FOXN3: variants seen among roughly 807,000 people sequenced by gnomAD.
FOXN3 encodes forkhead box N3, also known as forkhead box protein N3.
A neutral mutation model predicts 38.4 loss-of-function variants in FOXN3; 7 were observed. That is an observed-to-expected ratio of 0.18 (90% CI 0.10 to 0.34). The LOEUF (loss-of-function observed/expected upper bound fraction) is 0.34. Among genes scored for constraint, FOXN3 ranks in the 10% least tolerant of loss-of-function variants. The pLI is 1.00. For synonymous variants in FOXN3, 230 were observed against 242.2 expected, an observed-to-expected ratio of 0.95 and a Z score of 0.47; for missense variants, 456 against 613.4, an observed-to-expected ratio of 0.74 and a Z score of 2.71.
At chr14:89,390,644 C>T (rs576569821) in intron 2 of FOXN3, among the ~76,000 whole-genome samples, 1 of 152,080 alleles carries the variant, frequency 6.6e-6, no homozygotes, top group East Asian at 1.9e-4. Context: ...CAAAATAAAA[C>T]AGCAGGTATT....
At chr14:89,239,331 A>G (rs1885074411) in intron 4 of FOXN3, among the ~76,000 whole-genome samples, 1 of 152,190 alleles carries the variant, frequency 6.6e-6, no homozygotes. Context: ...GGTTTAAGAG[A>G]TCCAGAGAGA....
At chr14:89,378,349 C>T (rs1008523985) in intron 2 of FOXN3, among the ~76,000 whole-genome samples, 5 of 152,168 alleles carry the variant, frequency 3.3e-5, no homozygotes, top group African/African-American at 7.2e-5. Flanking sequence ...GAATCACAGG[C>T]TCTCTCTCGT....
intron 1 of FOXN3, among the ~76,000 whole-genome samples, chr14:89,563,166 GCTAA>G (rs1596318594): frequency 6.6e-6 from 1 of 152,210 alleles, no homozygotes; most frequent in South Asian, 2.1e-4. Flanking sequence ...AACGATGACA[GCTAA>G]CTATTACTGA....
At chr14:89,451,711 CT>C (rs1230989277) in intron 1 of FOXN3, among the ~76,000 whole-genome samples, 1 of 152,154 alleles carries the variant, frequency 6.6e-6, no homozygotes, top group East Asian at 1.9e-4. Context: ...CTCAGATTCA[CT>C]TTTTTTATCT....
At chr14:89,573,323 T>A (rs1430804929) in intron 1 of FOXN3, among the ~76,000 whole-genome samples, 1 of 152,158 alleles carries the variant, frequency 6.6e-6, no homozygotes, top group Non-Finnish European at 1.5e-5. Context: ...GCAGATAAAG[T>A]CTAATAAATG....
rs1427124862 is a variant in FOXN3 at position 89,156,957 on chromosome 14, C to T, written c.*5457G>A. ...GGCCACAGTCATGAAAGGATGAATA[C>T]AATTTCTAGGTTTAATAGGTTCACC... On this transcript the variant is annotated 3_prime_UTR_variant, in exon 6 of 6. Coordinates refer to ENST00000557258, the MANE Select transcript of FOXN3 (RefSeq NM_005197.4). The T allele has an allele frequency of 6.6e-6, 1 of 152,558 alleles. No individual in the cohort carries two copies. The highest frequency in any genetic ancestry group is 2.4e-5 in the African/African-American group (1 of 41,398). 9.5% of individuals were successfully genotyped at this position (152,558 alleles called of 1,614,324 possible).
rs184356430 is a variant in FOXN3 at position 89,281,396 on chromosome 14, G to A, written c.681-382C>T. 2.8e-4 allele frequency among the ~76,000 whole-genome samples: 43 copies of A among 152,250 alleles called. 1 individual carries two copies. The East Asian group carries it at 4.6e-3, about 16-fold the overall frequency. ...CTAATCATGTTTTCTGAGACCAAGC[G>A]GGTTTTCCAACACTTCCTGGTGCCA... On this transcript the variant is annotated intron_variant, in intron 3 of 5. Coordinates refer to ENST00000557258, the MANE Select transcript of FOXN3 (RefSeq NM_005197.4).
chr14:89,342,283 G>T (rs1019419162), intron 3 of FOXN3, among the ~76,000 whole-genome samples: 1 of 152,174 alleles, frequency 6.6e-6, no homozygotes, highest in African/African-American at 2.4e-5. Context: ...GAATGAAATT[G>T]GATGACTGGG....
intron 3 of FOXN3, among the ~76,000 whole-genome samples, chr14:89,338,577 T>C (rs1211767934): frequency 1.3e-5 from 2 of 152,222 alleles, no homozygotes; most frequent in African/African-American, 4.8e-5. Flanking sequence ...GTAGATCATC[T>C]GAGGTCAGGA....
intron 2 of FOXN3, among the ~76,000 whole-genome samples, chr14:89,354,149 G>C (rs1332756285): frequency 6.6e-6 from 1 of 152,124 alleles, no homozygotes; most frequent in Non-Finnish European, 1.5e-5. Context: ...TAGTAAGTTT[G>C]AGAGTTGGAG....
chr14:89,259,403 C>T (rs893250305), intron 4 of FOXN3, among the ~76,000 whole-genome samples: 4 of 152,150 alleles, frequency 2.6e-5, no homozygotes, highest in African/African-American at 9.7e-5. Context: ...GCTCTGGTCA[C>T]TAGGAAGCTC....
At chr14:89,376,173 G>T (rs181275504) in intron 2 of FOXN3, among the ~76,000 whole-genome samples, 70 of 152,306 alleles carry the variant, frequency 4.6e-4, no homozygotes, top group African/African-American at 1.6e-3. Flanking sequence ...TATGAAAAGT[G>T]TAAGATGAGT....
In FOXN3 at chr14:89,609,958, C is replaced by A. The variant is rs369422497; in HGVS notation, c.-15+9070G>T. 1.4e-4 allele frequency among the ~76,000 whole-genome samples: 21 copies of A among 151,950 alleles called. No homozygotes were observed. The East Asian group carries it at 3.9e-3, about 28-fold the overall frequency. On this transcript the variant is annotated intron_variant, in intron 1 of 6. Transcript: ENST00000345097. Reference sequence around the variant, plus strand: ...GGGAAATAAGGATAATGGTTGTAACCGAGGGAGAAAAAAATGAGGGCCCTT... The same window carrying A: ...GGGAAATAAGGATAATGGTTGTAACAGAGGGAGAAAAAAATGAGGGCCCTT...
intron 5 of FOXN3, among the ~76,000 whole-genome samples, chr14:89,178,076 C>A (rs541226400): frequency 6.6e-6 from 1 of 152,114 alleles, no homozygotes; most frequent in Non-Finnish European, 1.5e-5. Flanking sequence ...GGAGTAATCT[C>A]GGCTCACTGC....
At chr14:89,251,529 C>G (rs1463131780) in intron 4 of FOXN3, among the ~76,000 whole-genome samples, 2 of 152,198 alleles carry the variant, frequency 1.3e-5, no homozygotes, top group African/African-American at 2.4e-5. Flanking sequence ...TCAACTCTTA[C>G]ATAGCTTACA....
At chr14:89,229,426 C>T (rs1884738164) in intron 4 of FOXN3, among the ~76,000 whole-genome samples, 2 of 152,168 alleles carry the variant, frequency 1.3e-5, no homozygotes, top group Admixed American at 1.3e-4. Context: ...CGAGAACACT[C>T]TTCTATCTTG....
chr14:89,395,475 T>C (rs150694559), intron 2 of FOXN3, among the ~76,000 whole-genome samples: 2 of 152,184 alleles, frequency 1.3e-5, no homozygotes, highest in African/African-American at 4.8e-5. Context: ...TTGTGTAAAA[T>C]GAAGCAGCAC....
intron 1 of FOXN3, among the ~76,000 whole-genome samples, chr14:89,498,043 T>G (rs1893721484): frequency 6.6e-6 from 1 of 152,178 alleles, no homozygotes; most frequent in Admixed American, 6.5e-5. Context: ...CTACTGGCTA[T>G]TTGTATATCT....
chr14:89,595,767 C>A (rs1255858934), intron 1 of FOXN3, among the ~76,000 whole-genome samples: 1 of 152,086 alleles, frequency 6.6e-6, no homozygotes, highest in Non-Finnish European at 1.5e-5. Flanking sequence ...TTTGTTTTTC[C>A]TACTCTCAAA....
Sources: gnomAD v4.1 joint callset for allele counts (sites outside exome capture counted in the v4.1 genomes callset) on GRCh38, gnomAD v4.1.1 for gene constraint, MANE v1.5 for transcripts, NCBI Gene and HGNC (gene_info 2026-07-23, HGNC 2026-07-21) for gene names.